Variants in CYTH3 observed in about 807,000 individuals in gnomAD.
The protein encoded by CYTH3 is cytohesin-3.
Under a neutral mutation model 55.1 loss-of-function variants are expected in CYTH3, and 23 were observed. That is an observed-to-expected ratio of 0.42 (90% CI 0.30 to 0.59). CYTH3 has a LOEUF of 0.59. Among genes scored for constraint, CYTH3 ranks in the 20% least tolerant of loss-of-function variants. CYTH3 has a pLI of 0.20. For missense variants in CYTH3, 413 were observed against 524.8 expected, an observed-to-expected ratio of 0.79 and a Z score of 2.08; for synonymous variants, 249 against 194.9, an observed-to-expected ratio of 1.28 and a Z score of -2.31.
chr7:6,262,812 G>A (rs11972302), intron 1 of CYTH3, among the ~76,000 whole-genome samples: 7,059 of 152,220 alleles, frequency 0.046, 562 homozygotes, highest in African/African-American at 0.16. Context: ...CTAGCTACTC[G>A]GGAGGCTGAG....
chr7:6,267,599 T>C (rs187646374), intron 1 of CYTH3, among the ~76,000 whole-genome samples: 7 of 152,270 alleles, frequency 4.6e-5, no homozygotes, highest in South Asian at 2.1e-4. Flanking sequence ...TCTCGGCTCA[T>C]TGCAACCTCT....
chr7:6,248,540 G>C (rs1405617480), intron 1 of CYTH3, among the ~76,000 whole-genome samples: 1 of 152,178 alleles, frequency 6.6e-6, no homozygotes, highest in Non-Finnish European at 1.5e-5. Context: ...CCAGGAAGGA[G>C]GACTGTGGCG....
chr7:6,241,028 T>A (rs1353655312), intron 1 of CYTH3, among the ~76,000 whole-genome samples: 2 of 151,490 alleles, frequency 1.3e-5, no homozygotes, highest in Admixed American at 1.3e-4. Flanking sequence ...AGGCTGAGGC[T>A]GGAGAATCGC....
chr7:6,229,590 A>G (rs373321490), intron 1 of CYTH3, among the ~76,000 whole-genome samples: 1 of 148,774 alleles, frequency 6.7e-6, no homozygotes, highest in Non-Finnish European at 1.5e-5. Flanking sequence ...TGGGTGGATC[A>G]CCTGAGGTCA....
rs769150315 is a variant in CYTH3 at position 6,187,017 on chromosome 7, C to T, written c.249+33G>A. 3.3e-5 allele frequency: 53 copies of T among 1,605,668 alleles called. 1 individual carries two copies. The highest frequency in any genetic ancestry group is 3.8e-5 in the Non-Finnish European group (44 of 1,172,322). ...CAGTTCAAATCAATTAGTCCATCTCCTGCAGGCCAGAAAAGGGAGAGCATT... is the reference window on the plus strand; with the variant it reads ...CAGTTCAAATCAATTAGTCCATCTCTTGCAGGCCAGAAAAGGGAGAGCATT... On this transcript the variant is annotated intron_variant, in intron 4 of 12. Coordinates refer to ENST00000350796, the MANE Select transcript of CYTH3 (RefSeq NM_004227.4).
Position 6,169,962 on chromosome 7 carries a change from C to A in CYTH3, c.823+573G>T. On this transcript the variant is annotated intron_variant, in intron 9 of 12. Transcript: ENST00000350796. The surrounding 1 kb of genome is among the most constrained non-coding windows in gnomAD (Gnocchi z 4.1). ...CACACCGTGCACGGCGCAGCCCCAG[C>A]AAGTCCACAGATGGATCGGATGAAT... The A allele has an allele frequency of 6.4e-6, 1 of 156,360 alleles. No homozygotes were observed. The highest frequency in any genetic ancestry group is 1.4e-5 in the Non-Finnish European group (1 of 70,550). The allele number at this position is 156,360 out of a possible 1,614,324, so 9.7% of individuals were successfully genotyped here.
At chr7:6,248,204 A>G (rs1779870310) in intron 1 of CYTH3, among the ~76,000 whole-genome samples, 1 of 150,482 alleles carries the variant, frequency 6.6e-6, no homozygotes, top group Admixed American at 6.6e-5. Flanking sequence ...TTTATTTCTG[A>G]ACAATAGTAT....
intron 1 of CYTH3, among the ~76,000 whole-genome samples, chr7:6,266,263 T>G (rs139154884): frequency 6.6e-6 from 1 of 152,288 alleles, no homozygotes; most frequent in African/African-American, 2.4e-5. Flanking sequence ...ATGGAAGGCT[T>G]GGGTTCCAAT....
intron 1 of CYTH3, among the ~76,000 whole-genome samples, chr7:6,202,848 A>G (rs1305409573): frequency 6.6e-6 from 1 of 152,246 alleles, no homozygotes; most frequent in East Asian, 1.9e-4. Context: ...ATAAGTGAAA[A>G]AAAGGAGTAA....
intron 1 of CYTH3, among the ~76,000 whole-genome samples, chr7:6,260,953 A>G (rs1290113250): frequency 6.6e-6 from 1 of 152,210 alleles, no homozygotes; most frequent in African/African-American, 2.4e-5. Flanking sequence ...TTAAATAGCA[A>G]AATTGAATTC....
intron 1 of CYTH3, among the ~76,000 whole-genome samples, chr7:6,204,791 T>A (rs1441314186): frequency 6.6e-6 from 1 of 152,176 alleles, no homozygotes. Flanking sequence ...GTTTCCTGTA[T>A]CGAACTATAA....
chr7:6,190,159 T>C (rs1299541105), intron 2 of CYTH3, among the ~76,000 whole-genome samples: 2 of 152,236 alleles, frequency 1.3e-5, no homozygotes, highest in Non-Finnish European at 2.9e-5. Context: ...ACGCTGCCTG[T>C]GGCCCTGGGT....
chr7:6,210,213 A>C (rs1784293793), intron 1 of CYTH3, among the ~76,000 whole-genome samples: 1 of 152,236 alleles, frequency 6.6e-6, no homozygotes, highest in African/African-American at 2.4e-5. Context: ...CGGTGAGCAG[A>C]TGGGAACTCT....
intron 1 of CYTH3, among the ~76,000 whole-genome samples, chr7:6,203,996 C>A (rs777216822): frequency 4.6e-5 from 7 of 151,402 alleles, no homozygotes; most frequent in Non-Finnish European, 7.4e-5. Flanking sequence ...GGATTACAGG[C>A]GTTAGCCACC....
At chr7:6,235,224 T>G (rs1362955507) in intron 1 of CYTH3, among the ~76,000 whole-genome samples, 1 of 152,124 alleles carries the variant, frequency 6.6e-6, no homozygotes, top group Non-Finnish European at 1.5e-5. Context: ...GCCTGTAATC[T>G]CAGCACTCTG....
At chr7:6,242,827 T>A (rs1562407018) in intron 1 of CYTH3, among the ~76,000 whole-genome samples, 3 of 152,022 alleles carry the variant, frequency 2.0e-5, no homozygotes, top group Admixed American at 6.6e-5. Flanking sequence ...CCCATACTCC[T>A]CCCAGACCCC....
chr7:6,254,660 G>A (rs1424353120), intron 1 of CYTH3, among the ~76,000 whole-genome samples: 1 of 152,176 alleles, frequency 6.6e-6, no homozygotes, highest in Non-Finnish European at 1.5e-5. Flanking sequence ...ATGTTGGCCA[G>A]GCTGGTCTCG....
At chr7:6,191,958 G>A (rs1166486125) in intron 1 of CYTH3, among the ~76,000 whole-genome samples, 1 of 151,820 alleles carries the variant, frequency 6.6e-6, no homozygotes, top group Non-Finnish European at 1.5e-5. Context: ...GCATGCCTGT[G>A]GGCCCAGTCA....
chr7:6,196,839 T>C (rs1383538708), intron 1 of CYTH3, among the ~76,000 whole-genome samples: 4 of 152,216 alleles, frequency 2.6e-5, no homozygotes, highest in Non-Finnish European at 4.4e-5. Flanking sequence ...AAAAAGTAAA[T>C]GTACCTGAAG....
Sources: gnomAD v4.1 joint callset for allele counts (sites outside exome capture counted in the v4.1 genomes callset) on GRCh38, gnomAD v4.1.1 for gene constraint, Gnocchi (gnomAD v3.1) non-coding constraint, MANE v1.5 for transcripts, NCBI Gene and HGNC (gene_info 2026-07-23, HGNC 2026-07-21) for gene names.